The following MLLT10 variants were observed in gnomAD, a reference collection of about 807,000 sequenced individuals.
The protein encoded by MLLT10 is protein AF-10.
A neutral mutation model predicts 129.1 loss-of-function variants in MLLT10; 30 were observed. That is an observed-to-expected ratio of 0.23 (90% CI 0.17 to 0.32). The LOEUF (loss-of-function observed/expected upper bound fraction) is 0.32, where lower values mean the gene tolerates loss of function less well. MLLT10 is among the 10% of genes least tolerant of loss of function. The pLI is 1.00. For synonymous variants in MLLT10, 490 were observed against 446.4 expected, an observed-to-expected ratio of 1.10 and a Z score of -1.23; for missense variants, 1,119 against 1,268.3, an observed-to-expected ratio of 0.88 and a Z score of 1.79.
At chr10:21,551,701 T>G (rs994991715) in intron 3 of MLLT10, 5 of 323,038 alleles carry the variant, frequency 1.5e-5, no homozygotes, top group African/African-American at 9.2e-5. Context: ...ATAGATGTAC[T>G]TTGATAAATT....
At chr10:21,686,341 T>C (rs1439215923) in intron 13 of MLLT10, among the ~76,000 whole-genome samples, 1 of 152,312 alleles carries the variant, frequency 6.6e-6, no homozygotes, top group East Asian at 1.9e-4. Context: ...CTGAGACTTT[T>C]ACGTAATATA....
intron 8 of MLLT10, among the ~76,000 whole-genome samples, chr10:21,629,869 G>A (rs527688341): frequency 6.6e-6 from 1 of 152,110 alleles, no homozygotes; most frequent in Non-Finnish European, 1.5e-5. Context: ...CGCTGATGTG[G>A]GAGTATCTCT....
At position 21,654,161 on chromosome 10, in the gene MLLT10, C is replaced by G. The variant is rs1295439632; in HGVS notation, c.795+2393C>G. Among the ~76,000 whole-genome samples the G allele has an allele frequency of 5.3e-5, 8 of 152,080 alleles. No individual in the cohort carries two copies. In the East Asian group the frequency reaches 1.5e-3, roughly 29 times the overall value. On this transcript the variant is annotated intron_variant, in intron 9 of 22. Transcript: ENST00000307729. ...TTTAAAGTACTGATTGAGGCAAAAGCCTGATTGGAGTGCTTTATAGAGAGA... is the reference window on the plus strand; with the variant it reads ...TTTAAAGTACTGATTGAGGCAAAAGGCTGATTGGAGTGCTTTATAGAGAGA...
chr10:21,560,144 T>TA (rs2038619966), intron 3 of MLLT10, among the ~76,000 whole-genome samples: 1 of 152,168 alleles, frequency 6.6e-6, no homozygotes, highest in Non-Finnish European at 1.5e-5. Flanking sequence ...TAGCTGGGAT[T>TA]ACAGGCGTGC....
intron 2 of MLLT10, among the ~76,000 whole-genome samples, chr10:21,536,445 A>T (rs1446973095): frequency 6.6e-6 from 1 of 152,228 alleles, no homozygotes. Flanking sequence ...AATATAGAAA[A>T]TTTTTATTCA....
At chr10:21,668,886 G>T (rs1017153772) in intron 9 of MLLT10, 1 of 1,160,756 alleles carries the variant, frequency 8.6e-7, no homozygotes, top group Non-Finnish European at 1.1e-6. Context: ...ACACCACTGT[G>T]TTTTCTTAGA....
intron 20 of MLLT10, 143 bp downstream of exon 20, chr10:21,734,272 T>C: frequency 1.2e-6 from 1 of 823,118 alleles, no homozygotes. Flanking sequence ...TTATACAGAG[T>C]ACATTTATTT....
intron 13 of MLLT10, among the ~76,000 whole-genome samples, chr10:21,698,257 C>A (rs1255335815): frequency 6.6e-6 from 1 of 152,172 alleles, no homozygotes; most frequent in African/African-American, 2.4e-5. Flanking sequence ...ATTTGTTATT[C>A]TATTCTCTGT....
chr10:21,667,366 GGT>G (rs1491121233), intron 9 of MLLT10, among the ~76,000 whole-genome samples: 1 of 149,038 alleles, frequency 6.7e-6, no homozygotes, highest in African/African-American at 2.5e-5. Flanking sequence ...AAACTGTGGG[GGT>G]TTTTTTTTTT....
chr10:21,681,869 C>T (rs2052771069), intron 12 of MLLT10, among the ~76,000 whole-genome samples: 1 of 151,990 alleles, frequency 6.6e-6, no homozygotes, highest in African/African-American at 2.4e-5. Context: ...GGCAGATTTA[C>T]CTATATAGAT....
chr10:21,551,320 TAACAC>T (rs925595614), intron 3 of MLLT10, among the ~76,000 whole-genome samples: 1 of 105,694 alleles, frequency 9.5e-6, no homozygotes, highest in Non-Finnish European at 1.9e-5. Flanking sequence ...TTTTTTTACA[TAACAC>T]AAATAACTTT....
chr10:21,557,362 ATAAT>A (rs2038174810), intron 3 of MLLT10, among the ~76,000 whole-genome samples: 1 of 152,224 alleles, frequency 6.6e-6, no homozygotes, highest in South Asian at 2.1e-4. Context: ...AGTTCTTTTA[ATAAT>A]AAAGCATCAG....
chr10:21,556,662 G>A (rs773288951), intron 3 of MLLT10: 1 of 1,611,640 alleles, frequency 6.2e-7, no homozygotes, highest in Admixed American at 1.7e-5. Flanking sequence ...AATTCCTGTT[G>A]GTTAGCCTCA....
chr10:21,587,250 A>G (rs1418280665), intron 4 of MLLT10, among the ~76,000 whole-genome samples: 1 of 151,678 alleles, frequency 6.6e-6, no homozygotes, highest in Non-Finnish European at 1.5e-5. Context: ...AAGTAAATAT[A>G]AAAAATAAAA....
intron 13 of MLLT10, among the ~76,000 whole-genome samples, chr10:21,701,856 T>C (rs1435800378): frequency 2.0e-5 from 3 of 152,190 alleles, no homozygotes; most frequent in Non-Finnish European, 1.5e-5. Flanking sequence ...CCCAAAGTGC[T>C]GGGGTTACAG....
chr10:21,679,715 TGA>T (rs1304255195), intron 11 of MLLT10, among the ~76,000 whole-genome samples: 2 of 152,204 alleles, frequency 1.3e-5, no homozygotes, highest in Admixed American at 1.3e-4. Flanking sequence ...TAAAAATTCT[TGA>T]GACCATAGTA....
At chr10:21,608,856 C>T (rs182331384) in intron 5 of MLLT10, among the ~76,000 whole-genome samples, 76 of 152,218 alleles carry the variant, frequency 5.0e-4, no homozygotes, top group Admixed American at 3.0e-3. Flanking sequence ...CTCCTAAGTC[C>T]AACATCTGGG....
Position 21,682,248 on chromosome 10 carries a change from A to G in MLLT10, c.1690A>G (p.Ile564Val), listed in dbSNP as rs1349256818. The change falls in exon 13 of 23, where the codon ATA (isoleucine) becomes GTA (valine). Residue 564 changes from isoleucine to valine, a missense_variant. Coordinates refer to ENST00000307729, the MANE Select transcript of MLLT10 (RefSeq NM_001195626.3). The part of the protein sequence containing the change: ...TTTFSELLNA[I>V]HNGIYNSNDV... The stretch of plus-strand genomic sequence containing the variant: ...AGCGTTCTCAGAGTTGCTGAATGCA[A>G]TACACAACGGTAAGTTTTATTAGAA... 3.7e-6 allele frequency: 6 copies of G among 1,611,362 alleles called. No homozygotes were observed. The highest frequency in any genetic ancestry group is 5.1e-6 in the Non-Finnish European group (6 of 1,179,082).
At position 21,740,076 on chromosome 10, in the gene MLLT10, A is replaced by C; in HGVS notation, c.3002A>C (p.Gln1001Pro). ...FLYQLMQHHH[Q>P]QHHQPELQQL... ...TATCAGTTAATGCAACATCACCACC[A>C]GCAGCACCACCAACCTGAACTTCAG... is the stretch of plus-strand genomic sequence containing the variant. Residue 1001 changes from glutamine to proline, a missense_variant, in exon 22 of 23, where the codon CAG becomes CCG. By Grantham distance (76) the Gln-to-Pro change is moderately conservative. This residue lies in a region of MLLT10 where 1,004 missense variants were observed against 1,008.7 expected (regional missense o/e 1.00). Transcript: ENST00000307729. The C allele has an allele frequency of 6.2e-7, 1 of 1,613,886 alleles. No individual in the cohort carries two copies. The highest frequency in any genetic ancestry group is 2.2e-5 in the East Asian group (1 of 44,866).
Sources: allele counts gnomAD v4.1 joint callset (sites outside exome capture counted in the v4.1 genomes callset), GRCh38; gene constraint gnomAD v4.1.1; regional missense constraint gnomAD v4.1.1; transcripts MANE v1.5; gene names NCBI Gene and HGNC (gene_info 2026-07-23, HGNC 2026-07-21).